The following EPHA5 variants were observed in gnomAD, a reference collection of about 807,000 sequenced individuals.
EPHA5 encodes ephrin type-A receptor 5.
A neutral mutation model predicts 105.0 loss-of-function variants in EPHA5; 60 were observed. The observed-to-expected ratio is 0.57, with a 90% CI of 0.46 to 0.71. The LOEUF (loss-of-function observed/expected upper bound fraction) is 0.71, where lower values mean the gene tolerates loss of function less well. EPHA5 is among the 30% of genes least tolerant of loss of function. EPHA5 has a pLI of 0.00. For synonymous variants in EPHA5, 513 were observed against 449.1 expected (o/e 1.14, Z -1.80); for missense variants, 1,218 against 1,274.7 (o/e 0.96, Z 0.68).
intron 3 of EPHA5, among the ~76,000 whole-genome samples, chr4:65,540,006 A>G (rs1475428588): frequency 1.3e-5 from 2 of 151,516 alleles, no homozygotes; most frequent in Non-Finnish European, 3.0e-5. Flanking sequence ...TTTACAAAAA[A>G]TAGGCAGTTA....
At chr4:65,427,814 G>A (rs2149054531) in intron 5 of EPHA5, among the ~76,000 whole-genome samples, 1 of 152,186 alleles carries the variant, frequency 6.6e-6, no homozygotes, top group East Asian at 1.9e-4. Context: ...TGATTTTCAT[G>A]TCTGTCTTTC....
At chr4:65,570,460 C>A (rs1470509684) in intron 3 of EPHA5, among the ~76,000 whole-genome samples, 1 of 151,458 alleles carries the variant, frequency 6.6e-6, no homozygotes, top group Non-Finnish European at 1.5e-5. Flanking sequence ...CCACCTCCCC[C>A]CACTCTACCC....
chr4:65,463,105 A>G (rs1029834297), intron 5 of EPHA5, among the ~76,000 whole-genome samples: 11 of 152,280 alleles, frequency 7.2e-5, no homozygotes, highest in Admixed American at 2.0e-4. Context: ...CTATATTAAA[A>G]CTGTATCAAT....
intron 2 of EPHA5, among the ~76,000 whole-genome samples, chr4:65,620,840 G>T (rs943645837): frequency 1.8e-4 from 27 of 152,246 alleles, no homozygotes; most frequent in African/African-American, 6.0e-4. Context: ...ATCAGATAAT[G>T]GATTTGCGTA....
chr4:65,477,462 G>T (rs370963460), intron 5 of EPHA5, among the ~76,000 whole-genome samples: 1 of 151,994 alleles, frequency 6.6e-6, no homozygotes, highest in East Asian at 1.9e-4. Context: ...GCCCAGGCTT[G>T]AGTGCAGTGG....
intron 5 of EPHA5, among the ~76,000 whole-genome samples, chr4:65,484,860 A>G (rs902411984): frequency 6.6e-6 from 1 of 152,096 alleles, no homozygotes; most frequent in African/African-American, 2.4e-5. Context: ...TTTTAACAGA[A>G]TTTCAAAATT....
At chr4:65,335,890 G>C (rs2148812012) in intron 15 of EPHA5, 42 bp downstream of exon 15, 1 of 1,539,018 alleles carries the variant, frequency 6.5e-7, no homozygotes, top group Non-Finnish European at 8.8e-7. Flanking sequence ...ATCAATCTGA[G>C]TTAGCTACAT....
chr4:65,487,057 A>G (rs371877082), intron 5 of EPHA5, among the ~76,000 whole-genome samples: 1 of 152,158 alleles, frequency 6.6e-6, no homozygotes, highest in South Asian at 2.1e-4. Flanking sequence ...GCCTTCTGCC[A>G]TAATTGGAAG....
At chr4:65,472,330 G>A (rs1349968363) in intron 5 of EPHA5, among the ~76,000 whole-genome samples, 2 of 152,152 alleles carry the variant, frequency 1.3e-5, no homozygotes, top group African/African-American at 2.4e-5. Context: ...CAGATACAGG[G>A]TGCAAATTGT....
intron 5 of EPHA5, among the ~76,000 whole-genome samples, chr4:65,439,563 G>A (rs755978174): frequency 7.2e-5 from 11 of 151,812 alleles, no homozygotes; most frequent in Non-Finnish European, 1.5e-4. Flanking sequence ...CTAAACCTGA[G>A]TAGAATTACA....
chr4:65,585,709 T>C (rs576479196), intron 3 of EPHA5, among the ~76,000 whole-genome samples: 4 of 151,944 alleles, frequency 2.6e-5, no homozygotes, highest in African/African-American at 4.8e-5. Context: ...ATCTCTCCTT[T>C]ATATAGAGAA....
At chr4:65,339,229 T>A (rs2148820389) in intron 14 of EPHA5, among the ~76,000 whole-genome samples, 1 of 152,184 alleles carries the variant, frequency 6.6e-6, no homozygotes, top group Middle Eastern at 3.4e-3. Flanking sequence ...TGTCATTGGG[T>A]TAGCATTTTT....
chr4:65,401,177 T>C (rs1721783540), intron 8 of EPHA5, among the ~76,000 whole-genome samples: 1 of 152,094 alleles, frequency 6.6e-6, no homozygotes, highest in African/African-American at 2.4e-5. Context: ...AATAATTTGC[T>C]ATTACTCAAA....
chr4:65,440,806 G>A (rs542353587), intron 5 of EPHA5, among the ~76,000 whole-genome samples: 10 of 152,090 alleles, frequency 6.6e-5, no homozygotes, highest in African/African-American at 2.2e-4. Flanking sequence ...CCTTGTCTCC[G>A]GAGCCATTTT....
chr4:65,346,802 C>T (rs546253516), intron 14 of EPHA5, among the ~76,000 whole-genome samples: 47 of 152,166 alleles, frequency 3.1e-4, no homozygotes, highest in Admixed American at 1.1e-3. Flanking sequence ...CAAACAACCC[C>T]ATCAAAAAAT....
intron 14 of EPHA5, among the ~76,000 whole-genome samples, chr4:65,347,476 GA>G (rs1722332823): frequency 6.6e-6 from 1 of 152,146 alleles, no homozygotes; most frequent in South Asian, 2.1e-4. Flanking sequence ...AATTTGAACA[GA>G]AGATTCTTTC....
intron 1 of EPHA5, among the ~76,000 whole-genome samples, chr4:65,667,982 A>C (rs1462621891): frequency 6.6e-6 from 1 of 152,204 alleles, no homozygotes; most frequent in East Asian, 1.9e-4. Context: ...AGGTGTTAAT[A>C]AAAGGTCTAC....
intron 1 of EPHA5, among the ~76,000 whole-genome samples, chr4:65,649,745 G>A (rs1271604845): frequency 6.6e-6 from 1 of 152,076 alleles, no homozygotes; most frequent in Non-Finnish European, 1.5e-5. Context: ...AAATTCACTA[G>A]TGATAATTGC....
chr4:65,440,306 A>G (rs1342341515), intron 5 of EPHA5, among the ~76,000 whole-genome samples: 1 of 152,066 alleles, frequency 6.6e-6, no homozygotes, highest in Non-Finnish European at 1.5e-5. Context: ...TCTTCAATAA[A>G]TATATAAGTA....
Sources: gnomAD v4.1 joint callset for allele counts (sites outside exome capture counted in the v4.1 genomes callset) on GRCh38, gnomAD v4.1.1 for gene constraint, MANE v1.5 for transcripts, NCBI Gene and HGNC (gene_info 2026-07-23, HGNC 2026-07-21) for gene names.